Variants in NAV3 observed in about 807,000 individuals in gnomAD.
NAV3 encodes the protein neuron navigator 3, also known as pore membrane and/or filament interacting like protein 1.
In NAV3, 87 loss-of-function variants were observed where a neutral mutation model predicts 244.7. The observed-to-expected ratio is 0.36, with a 90% CI of 0.30 to 0.42. The LOEUF (loss-of-function observed/expected upper bound fraction) is 0.42. Ranked by LOEUF, NAV3 falls within the 20% of genes least tolerant of loss-of-function variation. The pLI is 1.00. For missense variants in NAV3, 2,663 were observed against 2,893.3 expected (o/e 0.92, Z 1.83); for synonymous variants, 1,126 against 1,042.2 (o/e 1.08, Z -1.55).
intron 7 of NAV3, among the ~76,000 whole-genome samples, chr12:78,002,732 T>A (rs1873520224): frequency 6.6e-6 from 1 of 152,124 alleles, no homozygotes; most frequent in Admixed American, 6.5e-5. Flanking sequence ...ACTTAATACT[T>A]ATATAAGCCT....
chr12:77,603,521 T>A lies in NAV3; in HGVS notation c.72+31255T>A, dbSNP rs534967366. Among the ~76,000 whole-genome samples the A allele has an allele frequency of 3.3e-5, 5 of 151,932 alleles. No homozygotes were observed. In the East Asian group the frequency reaches 9.7e-4, roughly 30 times the overall value. ...ATGACATGAGTGAACTCTTTGGTGA[T>A]CTCATCAAAAGACATTTTAGTACAC... On this transcript the variant is annotated intron_variant, in intron 2 of 8. Coordinates refer to the NAV3 transcript ENST00000550042.
At chr12:77,959,207 A>G (rs1466213267) in intron 3 of NAV3, among the ~76,000 whole-genome samples, 3 of 152,156 alleles carry the variant, frequency 2.0e-5, no homozygotes, top group Non-Finnish European at 4.4e-5. Context: ...GTAATGTATA[A>G]TGAAACTGGC....
At position 77,862,221 on chromosome 12, in the gene NAV3, T is replaced by C. The variant is rs145738948; in HGVS notation, c.243+30517T>C. Among the ~76,000 whole-genome samples the C allele has an allele frequency of 5.2e-3, 795 of 151,892 alleles. 5 individuals are homozygous for C. The highest frequency in any genetic ancestry group is 0.018 in the African/African-American group (740 of 41,516). Reference sequence around the variant, plus strand: ...TAGTCCTCTAATTTCATGTTCTATATCATTAAAATAATGGTTTTTAATGTT... The same window carrying C: ...TAGTCCTCTAATTTCATGTTCTATACCATTAAAATAATGGTTTTTAATGTT... On this transcript the variant is annotated intron_variant, in intron 1 of 39. Coordinates refer to ENST00000397909, the MANE Select transcript of NAV3 (RefSeq NM_001024383.2).
At chr12:77,886,601 A>G (rs1173291627) in intron 1 of NAV3, among the ~76,000 whole-genome samples, 3 of 152,168 alleles carry the variant, frequency 2.0e-5, no homozygotes, top group African/African-American at 7.2e-5. Flanking sequence ...TCAAGGATGT[A>G]GATAGAGCCC....
At chr12:78,010,240 C>T (rs181702361) in intron 8 of NAV3, among the ~76,000 whole-genome samples, 2 of 152,222 alleles carry the variant, frequency 1.3e-5, no homozygotes, top group Admixed American at 1.3e-4. Context: ...AGAGTCATGA[C>T]ATTTGGATTA....
intron 18 of NAV3, chr12:78,130,911 G>C (rs1459366854): frequency 5.5e-6 from 1 of 182,198 alleles, no homozygotes; most frequent in Non-Finnish European, 1.2e-5. Context: ...ATACATCTGT[G>C]TTGGCCAGCA....
At chr12:77,968,792 C>T (rs1042289272) in intron 5 of NAV3, 90 bp downstream of exon 5, 17 of 1,242,440 alleles carry the variant, frequency 1.4e-5, no homozygotes, top group Middle Eastern at 1.9e-4. Context: ...GTTTGAAAAA[C>T]GTACTCATGT....
At chr12:77,836,486 T>C (rs1874658811) in intron 1 of NAV3, among the ~76,000 whole-genome samples, 1 of 152,214 alleles carries the variant, frequency 6.6e-6, no homozygotes, top group African/African-American at 2.4e-5. Context: ...TTGTATTTTA[T>C]AGAAAATTTT....
intron 11 of NAV3, among the ~76,000 whole-genome samples, chr12:78,054,750 A>G (rs1202710882): frequency 6.6e-6 from 1 of 152,168 alleles, no homozygotes; most frequent in Non-Finnish European, 1.5e-5. Flanking sequence ...CCTACATCAT[A>G]AGCACAGGAG....
chr12:77,655,462 G>C (rs1308454957), intron 2 of NAV3, among the ~76,000 whole-genome samples: 1 of 152,196 alleles, frequency 6.6e-6, no homozygotes, highest in Non-Finnish European at 1.5e-5. Context: ...TATGTGAAAA[G>C]ACCAAATCTA....
intron 35 of NAV3, 65 bp from the exon 36 acceptor site, chr12:78,198,540 T>A: frequency 1.0e-6 from 1 of 986,992 alleles, no homozygotes; most frequent in Non-Finnish European, 1.5e-6. Context: ...TTTTCCAAGA[T>A]AATTTTAATG....
chr12:78,006,662 A>T lies in NAV3; in HGVS notation c.1124A>T (p.Lys375Ile). The T allele has an allele frequency of 6.2e-7, 1 of 1,614,142 alleles. No individual in the cohort carries two copies. Among genetic ancestry groups the T allele is most frequent in the Non-Finnish European group, 8.5e-7 (1 of 1,180,016 alleles). ...AAGCCACCTGTCTCAGAAGGGGTCA[A>T]AACTGCTCCCTCAGGACAGAAATCC... ...RLKPPVSEGVKTAPSGQKSML... is the reference protein window; with the variant it reads ...RLKPPVSEGVITAPSGQKSML... The change falls in exon 8 of 40, where the codon AAA (lysine) becomes ATA (isoleucine). Residue 375 changes from lysine (K) to isoleucine (I), a missense_variant. Coordinates refer to ENST00000397909, the MANE Select transcript of NAV3 (RefSeq NM_001024383.2).
At chr12:77,982,370 G>T (rs1869738691) in intron 5 of NAV3, among the ~76,000 whole-genome samples, 2 of 61,278 alleles carry the variant, frequency 3.3e-5, no homozygotes, top group Non-Finnish European at 9.4e-5. Flanking sequence ...ATGTGGCTAA[G>T]ATAAAGTGAT....
At chr12:77,900,489 C>T (rs575192799) in intron 1 of NAV3, among the ~76,000 whole-genome samples, 4 of 152,294 alleles carry the variant, frequency 2.6e-5, no homozygotes, top group Non-Finnish European at 5.9e-5. Flanking sequence ...CCTCCAGATG[C>T]ATCCATGTTA....
At chr12:77,978,170 G>A (rs888177105) in intron 5 of NAV3, among the ~76,000 whole-genome samples, 2 of 152,084 alleles carry the variant, frequency 1.3e-5, no homozygotes, top group African/African-American at 4.8e-5. Flanking sequence ...ACATTTGAAA[G>A]TATGAGATTA....
At chr12:78,027,064 G>A (rs1878177620) in intron 9 of NAV3, among the ~76,000 whole-genome samples, 1 of 152,216 alleles carries the variant, frequency 6.6e-6, no homozygotes, top group East Asian at 1.9e-4. Context: ...GGAAGAAAAT[G>A]TTTAGTTATT....
At chr12:77,751,608 C>T (rs1455282366) in intron 2 of NAV3, among the ~76,000 whole-genome samples, 3 of 152,124 alleles carry the variant, frequency 2.0e-5, no homozygotes, top group African/African-American at 7.2e-5. Context: ...GGTAAATTTC[C>T]TGAGGCCCCC....
At chr12:78,187,538 A>C (rs771703015) in intron 31 of NAV3, among the ~76,000 whole-genome samples, 1 of 151,924 alleles carries the variant, frequency 6.6e-6, no homozygotes, top group Non-Finnish European at 1.5e-5. Flanking sequence ...ATATATGTAG[A>C]AATTTCTCAA....
chr12:77,870,089 G>A (rs938398167), intron 1 of NAV3, among the ~76,000 whole-genome samples: 5 of 152,046 alleles, frequency 3.3e-5, no homozygotes, highest in Non-Finnish European at 4.4e-5. Flanking sequence ...CTAATAAGCC[G>A]GGCGCGGTGG....
Sources: gnomAD v4.1 joint callset for allele counts (sites outside exome capture counted in the v4.1 genomes callset) on GRCh38, gnomAD v4.1.1 for gene constraint, MANE v1.5 for transcripts, NCBI Gene and HGNC (gene_info 2026-07-23, HGNC 2026-07-21) for gene names.